ARVCF: variants seen among roughly 807,000 people sequenced by gnomAD.
ARVCF encodes ARVCF delta catenin family member, also known as splicing regulator ARVCF.
In ARVCF, 66 loss-of-function variants were observed where a neutral mutation model predicts 90.9. The ratio of observed to expected loss-of-function variants is 0.73; its 90% CI spans 0.60 to 0.89. The LOEUF (loss-of-function observed/expected upper bound fraction) is 0.89. Among genes scored for constraint, ARVCF ranks in the 40% least tolerant of loss-of-function variants. ARVCF has a pLI of 0.00. For missense variants in ARVCF, 1,469 were observed against 1,382.3 expected (o/e 1.06, Z -1.00); for synonymous variants, 653 against 603.4 (o/e 1.08, Z -1.21).
chr22:19,983,132 G>A (rs574669960), intron 3 of ARVCF, among the ~76,000 whole-genome samples: 37 of 152,352 alleles, frequency 2.4e-4, no homozygotes, highest in Non-Finnish European at 3.7e-4. Context: ...ACCAACATCC[G>A]GGGATCGGCA....
chr22:19,991,043 C>T (rs1422660407), intron 2 of ARVCF, among the ~76,000 whole-genome samples: 1 of 152,290 alleles, frequency 6.6e-6, no homozygotes, highest in Non-Finnish European at 1.5e-5. Flanking sequence ...CCTGGCTCCT[C>T]TGCTTCCTGC....
chr22:20,011,313 G>T (rs999700018), intron 1 of ARVCF, among the ~76,000 whole-genome samples: 25 of 152,202 alleles, frequency 1.6e-4, no homozygotes, highest in African/African-American at 6.0e-4. Context: ...ATGAAAAACA[G>T]GACACTGCAG....
rs767223253 is a variant in ARVCF at position 19,979,821 on chromosome 22, G to A, written c.1318C>T (p.Arg440Trp). 18 of 1,609,232 alleles carry A rather than the reference G, an allele frequency of 1.1e-5. No individual in the cohort carries two copies. The highest frequency in any genetic ancestry group is 4.0e-5 in the African/African-American group (3 of 74,894). Residue 440 changes from arginine (R) to tryptophan (W), a missense_variant, in exon 6 of 20, where the codon CGG (arginine) becomes TGG (tryptophan). Physicochemically the swap from Arg to Trp is moderately radical, Grantham distance 101 (BLOSUM62 -3). Transcript: ENST00000263207. ...AGGGCAGGCACACCACCGCAGTCCCGGATGGCGGCCTTGTTGTCAGTGTCG... is the reference window on the plus strand; with the variant it reads ...AGGGCAGGCACACCACCGCAGTCCCAGATGGCGGCCTTGTTGTCAGTGTCG... The part of the protein sequence containing the change: ...GRDTDNKAAI[R>W]DCGGVPALVR...
chr22:19,968,049 C>A (rs1342890435), downstream of ARVCF, among the ~76,000 whole-genome samples: 1 of 152,182 alleles, frequency 6.6e-6, no homozygotes, highest in African/African-American at 2.4e-5. Flanking sequence ...AGAACTGACC[C>A]CAAGGGGCAG....
chr22:20,007,692 C>T (rs1944681705), intron 2 of ARVCF, among the ~76,000 whole-genome samples: 1 of 152,222 alleles, frequency 6.6e-6, no homozygotes, highest in Non-Finnish European at 1.5e-5. Context: ...GGTTCCGCCT[C>T]CTTCAGCGCT....
At chr22:19,973,075 C>A in intron 14 of ARVCF, 39 bp from the exon 15 acceptor site, 1 of 1,608,674 alleles carries the variant, frequency 6.2e-7, no homozygotes, top group Non-Finnish European at 8.5e-7. Flanking sequence ...GGCCCCTCCC[C>A]CACCTCCGCG....
At chr22:19,995,690 C>G (rs2238792) in intron 2 of ARVCF, among the ~76,000 whole-genome samples, 1 of 152,036 alleles carries the variant, frequency 6.6e-6, no homozygotes, top group South Asian at 2.1e-4. Flanking sequence ...GAGGAATTTC[C>G]GAAGGGTCAG....
At chr22:19,987,067 T>C (rs1453928681) in intron 3 of ARVCF, 1 of 634,914 alleles carries the variant, frequency 1.6e-6, no homozygotes. Context: ...CCAACTTCCC[T>C]CCAACCTGTC....
Position 19,972,395 on chromosome 22 carries a change from G to A in ARVCF, c.2658C>T (p.Gly886=), listed in dbSNP as rs199508558. The A allele has an allele frequency of 6.8e-6, 11 of 1,613,602 alleles. No individual in the cohort carries two copies. In the East Asian group the frequency reaches 2.2e-4, roughly 33 times the overall value. ...CATCCATGGGGATCACATCCCGGCT[G>A]CCAGTTTTCTCGCCCTCTGCAAGGC... ...VDKSLEGEKT[G]SRDVIPMDAL... is the part of the protein sequence containing the mutation. Residue 886 remains glycine, a synonymous_variant, in exon 17 of 20, where the codon GGC becomes GGT. Coordinates refer to ENST00000263207, the MANE Select transcript of ARVCF (RefSeq NM_001670.3).
rs138388384 is a variant in ARVCF, at chr22:19,977,402, C to T, written c.1870+13G>A. The T allele has an allele frequency of 7.3e-4, 1,102 of 1,504,484 alleles. 9 individuals are homozygous for T. In the African/African-American group the frequency reaches 0.014, roughly 19 times the overall value. 93.2% of individuals were successfully genotyped at this position (1,504,484 alleles called of 1,614,324 possible). On this transcript the variant is annotated intron_variant, in intron 9 of 19. Coordinates refer to ENST00000263207, the MANE Select transcript of ARVCF (RefSeq NM_001670.3). The stretch of plus-strand genomic sequence containing the variant: ...GAGATGGTAGAGATGATACCCCAGT[C>T]CGCCCCACCCACCTTTGGCCTTCTT...
downstream of ARVCF, chr22:19,967,214 T>C (rs1942450487): frequency 5.4e-6 from 7 of 1,304,752 alleles, no homozygotes; most frequent in South Asian, 6.2e-5. Context: ...GTATCCCTGA[T>C]GACCAGATTG....
downstream of ARVCF, chr22:19,967,025 T>C: frequency 8.3e-7 from 1 of 1,201,192 alleles, no homozygotes; most frequent in Non-Finnish European, 1.1e-6. Flanking sequence ...GCTTGCAGTG[T>C]CGGGCGACAG....
chr22:19,997,463 C>A (rs1944294537), intron 2 of ARVCF, among the ~76,000 whole-genome samples: 1 of 152,200 alleles, frequency 6.6e-6, no homozygotes, highest in African/African-American at 2.4e-5. Context: ...CTGAGACCTG[C>A]CTCTCCATGA....
chr22:19,973,674 G>C lies in ARVCF; in HGVS notation c.2208C>G (p.Leu736=), dbSNP rs767404092. ...GGTCTTTGTTGCGCCGGTCCAGCGA[G>C]AGGTTGCGCAGAGCGATGGCGACGG... is the stretch of plus-strand genomic sequence containing the variant. ...VRAVAIALRN[L]SLDRRNKDLI... is the part of the protein sequence containing the mutation. Residue 736 remains leucine (L), a synonymous_variant, in exon 13 of 20, where the codon CTC becomes CTG. Transcript: ENST00000263207. 6.2e-7 allele frequency: 1 copy of C among 1,610,354 alleles called. No homozygotes were observed. The highest frequency in any genetic ancestry group is 1.7e-5 in the Admixed American group (1 of 59,970).
In ARVCF at chr22:19,975,665, G is replaced by T. The variant is rs372229067; in HGVS notation, c.1960+21C>A. On this transcript the variant is annotated intron_variant, in intron 11 of 19. Transcript: ENST00000263207. ...GCCCAGACATCCCCCAGTGGAGCTG[G>T]CTTCATCTCAGCCCACTCACCTTTG... 13 of 1,613,018 alleles carry T rather than the reference G, an allele frequency of 8.1e-6. No individual in the cohort carries two copies. In the Admixed American group the frequency reaches 1.0e-4, roughly 12 times the overall value.
chr22:19,996,394 G>A lies in ARVCF; in HGVS notation c.-18-5582C>T, dbSNP rs370763474. Among the ~76,000 whole-genome samples the A allele has an allele frequency of 2.8e-4, 42 of 152,098 alleles. 1 individual carries two copies. Among genetic ancestry groups the A allele is most frequent in the African/African-American group, 9.2e-4 (38 of 41,416 alleles). ...ATTTAGAGCAACACATGCAGTGAGC[G>A]TTTTGATGAAATGACGGGTGCTGGC... On this transcript the variant is annotated intron_variant, in intron 2 of 19. Transcript: ENST00000263207.
chr22:20,006,952 T>C (rs1255884513), intron 2 of ARVCF, among the ~76,000 whole-genome samples: 1 of 151,740 alleles, frequency 6.6e-6, no homozygotes, highest in Non-Finnish European at 1.5e-5. Context: ...ATAAATAGTA[T>C]ATCAAAGGTA....
At chr22:19,967,264 G>T, downstream of ARVCF, 2 of 1,259,870 alleles carry the variant, frequency 1.6e-6, no homozygotes, top group Non-Finnish European at 2.1e-6. Flanking sequence ...AAGTCCAGGA[G>T]CCCAGGCCCC....
intron 3 of ARVCF, among the ~76,000 whole-genome samples, chr22:19,987,731 A>T (rs545293975): frequency 4.5e-4 from 68 of 151,444 alleles, no homozygotes; most frequent in African/African-American, 1.5e-3. Flanking sequence ...CCCAGCCGCC[A>T]CTCTGAATGG....
Sources: allele counts gnomAD v4.1 joint callset (sites outside exome capture counted in the v4.1 genomes callset), GRCh38; gene constraint gnomAD v4.1.1; transcripts MANE v1.5; gene names NCBI Gene and HGNC (gene_info 2026-07-23, HGNC 2026-07-21).